NXPE4: variants seen among roughly 807,000 people sequenced by gnomAD.
The protein encoded by NXPE4 is neurexophilin and PC-esterase domain family member 4.
In NXPE4, 42 loss-of-function variants were observed where a neutral mutation model predicts 33.3. The observed-to-expected ratio is 1.26, with a 90% CI of 0.98 to 1.63. The LOEUF (loss-of-function observed/expected upper bound fraction) is 1.63. Ranked by LOEUF, NXPE4 falls within the 40% of genes most tolerant of loss-of-function variation. The pLI, the probability that NXPE4 is intolerant of heterozygous loss-of-function variation, is 0.00. For synonymous variants in NXPE4, 253 were observed against 234.9 expected, an observed-to-expected ratio of 1.08 and a Z score of -0.71; for missense variants, 709 against 647.6, an observed-to-expected ratio of 1.09 and a Z score of -1.03.
the NXPE4 span, among the ~76,000 whole-genome samples, chr11:114,630,199 G>C: frequency 6.6e-5 from 10 of 151,744 alleles, no homozygotes; most frequent in Non-Finnish European, 1.0e-4. Flanking sequence ...AACCAAAAAA[G>C]AGCCCTCATC....
intron 5 of NXPE4, among the ~76,000 whole-genome samples, chr11:114,577,583 A>G (rs1348515153): frequency 6.6e-6 from 1 of 152,174 alleles, no homozygotes; most frequent in Non-Finnish European, 1.5e-5. Flanking sequence ...GTGTTATGTA[A>G]ATGTGAAAGA....
chr11:114,627,736 A>C, the NXPE4 span, among the ~76,000 whole-genome samples: 1 of 152,334 alleles, frequency 6.6e-6, no homozygotes, highest in Non-Finnish European at 1.5e-5. Context: ...AATTGGTTAA[A>C]GAGTCAAGAC....
At chr11:114,573,606 T>C (rs1444045010) in intron 5 of NXPE4, among the ~76,000 whole-genome samples, 1 of 151,892 alleles carries the variant, frequency 6.6e-6, no homozygotes, top group African/African-American at 2.4e-5. Context: ...GCAACAGCAG[T>C]TTAAAAAGAC....
chr11:114,602,339 C>A, the NXPE4 span, among the ~76,000 whole-genome samples: 1 of 121,976 alleles, frequency 8.2e-6, no homozygotes, highest in African/African-American at 3.2e-5. Context: ...TATATGTTAT[C>A]TATAACATAT....
chr11:114,661,112 A>T, the NXPE4 span, among the ~76,000 whole-genome samples: 2 of 152,180 alleles, frequency 1.3e-5, no homozygotes, highest in African/African-American at 4.8e-5. Flanking sequence ...ATCAAAGAAG[A>T]CATAAATAAA....
chr11:114,571,427 C>G lies in NXPE4; in HGVS notation c.1146G>C (p.Gln382His). 6.2e-7 allele frequency: 1 copy of G among 1,611,218 alleles called. No homozygotes were observed. The highest frequency in any genetic ancestry group is 8.5e-7 in the Non-Finnish European group (1 of 1,177,662). The change falls in exon 6 of 6, where the codon CAG becomes CAC. Residue 382 changes from glutamine (Q) to histidine (H), a missense_variant. Coordinates refer to ENST00000375478, the MANE Select transcript of NXPE4 (RefSeq NM_001077639.2). ...DLHESGKLQH[Q>H]LAVDLDRNIN... ...TGTTCCTATCCAAATCCACAGCAAG[C>G]TGGTGTTGCAATTTTCCAGATTCAT...
intron 5 of NXPE4, among the ~76,000 whole-genome samples, chr11:114,579,128 CT>C (rs1949077601): frequency 6.6e-6 from 1 of 152,150 alleles, no homozygotes; most frequent in Non-Finnish European, 1.5e-5. Context: ...GGCCGGGAAG[CT>C]TTTAGTCATG....
chr11:114,572,877 A>G (rs979261057), intron 5 of NXPE4, among the ~76,000 whole-genome samples: 1 of 152,218 alleles, frequency 6.6e-6, no homozygotes, highest in Non-Finnish European at 1.5e-5. Context: ...TGGGAAATTC[A>G]TCACAGAAAG....
the NXPE4 span, among the ~76,000 whole-genome samples, chr11:114,608,613 T>A: frequency 6.6e-6 from 1 of 151,590 alleles, no homozygotes; most frequent in South Asian, 2.1e-4. Flanking sequence ...GGGTAACCAC[T>A]GTTACTTGGT....
the NXPE4 span, among the ~76,000 whole-genome samples, chr11:114,611,252 G>C: frequency 6.6e-6 from 1 of 151,790 alleles, no homozygotes; most frequent in Non-Finnish European, 1.5e-5. Context: ...AATAGGTATT[G>C]CTTCTAGGGT....
intron 5 of NXPE4, among the ~76,000 whole-genome samples, chr11:114,578,727 T>C (rs556128010): frequency 2.6e-5 from 4 of 152,112 alleles, no homozygotes; most frequent in Non-Finnish European, 4.4e-5. Flanking sequence ...GGGTAGACAA[T>C]AATGGTTTTG....
intron 4 of NXPE4, 135 bp downstream of exon 4, chr11:114,581,590 T>G (rs1202846155): frequency 1.4e-6 from 1 of 697,750 alleles, no homozygotes; most frequent in Admixed American, 3.1e-5. Flanking sequence ...GTAACTGGTG[T>G]CTTGGCCAAC....
chr11:114,597,835 A>G (rs1591360434), upstream of NXPE4, among the ~76,000 whole-genome samples: 1 of 152,120 alleles, frequency 6.6e-6, no homozygotes, highest in African/African-American at 2.4e-5. Flanking sequence ...ATAAATAACA[A>G]TTGTTTTGGA....
chr11:114,571,876 CAT>C (rs1948897048), intron 5 of NXPE4, among the ~76,000 whole-genome samples: 1 of 152,222 alleles, frequency 6.6e-6, no homozygotes, highest in Non-Finnish European at 1.5e-5. Context: ...GGCAAGTTTC[CAT>C]CCTGCCTGTA....
chr11:114,610,571 C>T, the NXPE4 span, among the ~76,000 whole-genome samples: 1 of 106,656 alleles, frequency 9.4e-6, no homozygotes, highest in South Asian at 3.2e-4. Context: ...CCACTGTTAC[C>T]CGGTGGATAA....
the NXPE4 span, among the ~76,000 whole-genome samples, chr11:114,661,240 T>A: frequency 2.0e-5 from 3 of 152,160 alleles, no homozygotes; most frequent in Non-Finnish European, 4.4e-5. Context: ...TTTATTTAAA[T>A]CAACAACTTG....
the NXPE4 span, among the ~76,000 whole-genome samples, chr11:114,640,051 A>G: frequency 2.5e-5 from 3 of 118,680 alleles, no homozygotes; most frequent in Admixed American, 2.0e-4. Context: ...ATTTTATAAT[A>G]TATAATTTAT....
the NXPE4 span, among the ~76,000 whole-genome samples, chr11:114,666,383 G>C: frequency 6.6e-6 from 1 of 152,002 alleles, no homozygotes; most frequent in South Asian, 2.1e-4. Context: ...GGGGATGAAA[G>C]ATTTTTTTTC....
At chr11:114,656,244 G>C in the NXPE4 span, among the ~76,000 whole-genome samples, 1 of 151,978 alleles carries the variant, frequency 6.6e-6, no homozygotes, top group Non-Finnish European at 1.5e-5. Flanking sequence ...ACCTCTTCAA[G>C]GAGAACTACA....
Sources: allele counts gnomAD v4.1 joint callset (sites outside exome capture counted in the v4.1 genomes callset), GRCh38; gene constraint gnomAD v4.1.1; transcripts MANE v1.5; gene names NCBI Gene and HGNC (gene_info 2026-07-23, HGNC 2026-07-21).